ELFN2: variants seen among roughly 807,000 people sequenced by gnomAD.
ELFN2 encodes extracellular leucine rich repeat and fibronectin type III domain containing 2, also known as protein phosphatase 1 regulatory subunit 29.
In ELFN2, 17 loss-of-function variants were observed where a neutral mutation model predicts 45.5. The ratio of observed to expected loss-of-function variants is 0.37; its 90% CI spans 0.26 to 0.56. The LOEUF (loss-of-function observed/expected upper bound fraction) is 0.56, where lower values mean the gene tolerates loss of function less well. ELFN2 is among the 20% of genes least tolerant of loss of function. The pLI is 0.77. For missense variants in ELFN2, 922 were observed against 1,183.2 expected (o/e 0.78, Z 3.24); for synonymous variants, 550 against 551.5 (o/e 1.00, Z 0.04).
intron 2 of ELFN2, among the ~76,000 whole-genome samples, chr22:37,341,889 C>T (rs1406513606): frequency 1.3e-5 from 2 of 152,110 alleles, no homozygotes; most frequent in Non-Finnish European, 2.9e-5. Context: ...GGGAATTCTC[C>T]CCACAGGCAG....
intron 1 of ELFN2, among the ~76,000 whole-genome samples, chr22:37,357,094 G>A (rs1930970430): frequency 6.6e-6 from 1 of 151,426 alleles, no homozygotes; most frequent in African/African-American, 2.4e-5. Flanking sequence ...TGCTATGTGG[G>A]ATCTCTGTCC....
chr22:37,361,056 A>C (rs1601737654), intron 1 of ELFN2, among the ~76,000 whole-genome samples: 2 of 152,238 alleles, frequency 1.3e-5, no homozygotes, highest in Middle Eastern at 3.4e-3. Context: ...AAGGACCGTT[A>C]TAAACAGCTA....
At position 37,375,931 on chromosome 22, in the gene ELFN2, T is replaced by G; in HGVS notation, c.-397A>C. The G allele has an allele frequency of 7.1e-6, 2 of 280,198 alleles. No homozygotes were observed. The highest frequency in any genetic ancestry group is 1.4e-5 in the Non-Finnish European group (2 of 139,842). 17.4% of individuals were successfully genotyped at this position (280,198 alleles called of 1,614,324 possible). On this transcript the variant is annotated 5_prime_UTR_variant, in exon 3 of 3. Transcript: ENST00000402918. ...ATGATTCCCACAGGAGGCTGGAGAG[T>G]GCCGCACTGAGCCAGGAGTGAGAGA...
intron 2 of ELFN2, among the ~76,000 whole-genome samples, chr22:37,401,202 G>GGTCAA (rs1485352540): frequency 6.6e-6 from 1 of 152,248 alleles, no homozygotes; most frequent in African/African-American, 2.4e-5. Flanking sequence ...CCAAAAAGCA[G>GGTCAA]GTCAACTAGC....
chr22:37,345,625 G>A (rs1183104546), intron 1 of ELFN2, among the ~76,000 whole-genome samples: 4 of 149,458 alleles, frequency 2.7e-5, no homozygotes, highest in Non-Finnish European at 5.9e-5. Flanking sequence ...TCAGCTCACT[G>A]CAGCCTCTGC....
At position 37,373,141 on chromosome 22, in the gene ELFN2, G is replaced by C; in HGVS notation, c.2394C>G (p.Phe798Leu). ...AGHALRKKVQ[F>L]AKDEDLHDIL... Reference sequence around the variant, plus strand: ...TGTCATGCAGATCCTCGTCCTTGGCGAACTGGACCTTCTTGCGCAGGGCGT... The same window carrying C: ...TGTCATGCAGATCCTCGTCCTTGGCCAACTGGACCTTCTTGCGCAGGGCGT... The change falls in exon 3 of 3, where the codon TTC (phenylalanine) becomes TTG (leucine). Residue 798 changes from phenylalanine (F) to leucine (L), a missense_variant. Phe to Leu is a conservative substitution (Grantham distance 22, BLOSUM62 0). Transcript: ENST00000402918. 1 of 1,613,340 alleles carries C rather than the reference G, an allele frequency of 6.2e-7. No homozygotes were observed. Among genetic ancestry groups the C allele is most frequent in the Non-Finnish European group, 8.5e-7 (1 of 1,179,592 alleles).
chr22:37,347,242 G>A (rs1219976820), intron 1 of ELFN2, among the ~76,000 whole-genome samples: 3 of 152,080 alleles, frequency 2.0e-5, no homozygotes, highest in Admixed American at 6.6e-5. Flanking sequence ...GCCTCCCAAC[G>A]TGCTGGGATT....
At chr22:37,422,438 G>A (rs1932815695) in intron 1 of ELFN2, among the ~76,000 whole-genome samples, 1 of 152,000 alleles carries the variant, frequency 6.6e-6, no homozygotes, top group South Asian at 2.1e-4. Context: ...CAGGCACAGT[G>A]GCTCACGCCT....
intron 2 of ELFN2, among the ~76,000 whole-genome samples, chr22:37,392,783 A>T (rs1389898885): frequency 6.6e-6 from 1 of 152,156 alleles, no homozygotes; most frequent in Non-Finnish European, 1.5e-5. Context: ...TGGCTGCTAG[A>T]GACCTCTGGT....
At chr22:37,390,441 G>A (rs2145657538) in intron 2 of ELFN2, among the ~76,000 whole-genome samples, 1 of 152,312 alleles carries the variant, frequency 6.6e-6, no homozygotes, top group East Asian at 1.9e-4. Flanking sequence ...CCACCAAAGG[G>A]TGGCCCAAAC....
At chr22:37,388,297 C>CGGG (rs888603564) in intron 2 of ELFN2, among the ~76,000 whole-genome samples, 1 of 152,134 alleles carries the variant, frequency 6.6e-6, no homozygotes, top group African/African-American at 2.4e-5. Context: ...CCAACCTGGC[C>CGGG]GGGGTCTCTC....
In ELFN2 at chr22:37,392,712, T is replaced by G. The variant is rs1426321648; in HGVS notation, c.-462-16716A>C. On this transcript the variant is annotated intron_variant, in intron 2 of 2. Transcript: ENST00000402918. ...TCCTCAAGATCACATTGCAAGAAAG[T>G]GAGCGTGCTCCCCACGCCACTGTAT... Among the ~76,000 whole-genome samples the G allele has an allele frequency of 3.3e-5, 5 of 152,308 alleles. No individual in the cohort carries two copies. In the East Asian group the frequency reaches 7.7e-4, roughly 23 times the overall value.
At chr22:37,351,667 G>T (rs1930824683) in intron 1 of ELFN2, among the ~76,000 whole-genome samples, 1 of 150,246 alleles carries the variant, frequency 6.7e-6, no homozygotes, top group African/African-American at 2.4e-5. Flanking sequence ...CTGCGTGCTG[G>T]CCAGGCCCCC....
At chr22:37,346,702 G>A (rs1930704175) in intron 1 of ELFN2, among the ~76,000 whole-genome samples, 1 of 152,146 alleles carries the variant, frequency 6.6e-6, no homozygotes, top group Admixed American at 6.5e-5. Flanking sequence ...GAAAACAGGT[G>A]CACACGGAGA....
intron 1 of ELFN2, among the ~76,000 whole-genome samples, chr22:37,345,219 T>C (rs780604930): frequency 7.9e-5 from 12 of 152,220 alleles, no homozygotes; most frequent in Non-Finnish European, 1.2e-4. Context: ...CAACTGTCAT[T>C]GTGCAGTTTC....
Position 37,373,708 on chromosome 22 carries a change from G to T in ELFN2, c.1827C>A (p.Ser609Arg). ...PSFLSPPYKE[S>R]SHHPLQRQLS... ...GCTGGCGCTGTAGTGGGTGGTGGGA[G>T]CTCTCCTTGTAGGGAGGCGAAAGGA... The change falls in exon 3 of 3, where the codon AGC becomes AGA. Residue 609 changes from serine (S) to arginine (R), a missense_variant. Ser to Arg is a moderately radical substitution (Grantham distance 110). Coordinates refer to ENST00000402918, the MANE Select transcript of ELFN2 (RefSeq NM_052906.5). 1 of 1,555,412 alleles carries T rather than the reference G, an allele frequency of 6.4e-7. No homozygotes were observed. Among genetic ancestry groups the T allele is most frequent in the Non-Finnish European group, 8.6e-7 (1 of 1,156,566 alleles).
At chr22:37,425,807 G>A (rs766815150) in intron 1 of ELFN2, among the ~76,000 whole-genome samples, 3 of 151,676 alleles carry the variant, frequency 2.0e-5, no homozygotes, top group Non-Finnish European at 4.4e-5. Context: ...TGGCCCAGAC[G>A]TGACACGTCC....
chr22:37,426,623 ACTGGC>A (rs1932852770), intron 1 of ELFN2, among the ~76,000 whole-genome samples: 1 of 130,292 alleles, frequency 7.7e-6, no homozygotes, highest in East Asian at 2.3e-4. Context: ...ACACACACAC[ACTGGC>A]ACGCGCTCGC....
intron 1 of ELFN2, among the ~76,000 whole-genome samples, chr22:37,425,957 G>T (rs376437729): frequency 1.6e-4 from 24 of 151,148 alleles, no homozygotes; most frequent in Middle Eastern, 3.4e-3. Context: ...TAACCGCGCC[G>T]GGCAGTCCGC....
Sources: gnomAD v4.1 joint callset for allele counts (sites outside exome capture counted in the v4.1 genomes callset) on GRCh38, gnomAD v4.1.1 for gene constraint, MANE v1.5 for transcripts, NCBI Gene and HGNC (gene_info 2026-07-23, HGNC 2026-07-21) for gene names.